The following XIRP2 variants were observed in gnomAD, a reference collection of about 807,000 sequenced individuals.
XIRP2 encodes xin actin binding repeat containing 2, also known as xin actin-binding repeat-containing protein 2.
XIRP2 carries 236 observed loss-of-function variants against 277.0 expected under a neutral mutation model. The ratio of observed to expected loss-of-function variants is 0.85; its 90% CI spans 0.77 to 0.95. The LOEUF is 0.95. Among genes scored for constraint, XIRP2 ranks in the 40% least tolerant of loss-of-function variants. XIRP2 has a pLI of 0.00. For missense variants in XIRP2, 4,640 were observed against 4,157.5 expected (o/e 1.12, Z -3.19); for synonymous variants, 1,490 against 1,416.5 (o/e 1.05, Z -1.17).
At position 167,250,811 on chromosome 2, in the gene XIRP2, A is replaced by G. The variant is rs944918278; in HGVS notation, c.9419A>G (p.Glu3140Gly). The G allele has an allele frequency of 1.9e-6, 3 of 1,613,322 alleles. No homozygotes were observed. In the African/African-American group the frequency reaches 4.0e-5, roughly 22 times the overall value. ...CGAACAGAAAACCCTACTAAGAACG[A>G]GCTTTCTCAGTCCCCTAAAAAGGAC... Reference protein sequence around the residue: ...ARRTENPTKNELSQSPKKDSY... With the variant: ...ARRTENPTKNGLSQSPKKDSY... The change falls in exon 9 of 11, where the codon GAG (glutamate) becomes GGG (glycine). Residue 3140 changes from glutamate to glycine, a missense_variant. By Grantham distance (98) the Glu-to-Gly change is moderately conservative. Coordinates refer to ENST00000409195, the MANE Select transcript of XIRP2 (RefSeq NM_152381.6).
intron 2 of XIRP2, among the ~76,000 whole-genome samples, chr2:166,985,808 GA>G (rs553699889): frequency 6.7e-6 from 1 of 150,092 alleles, no homozygotes; most frequent in Non-Finnish European, 1.5e-5. Context: ...ACCCAGCTCT[GA>G]AAAAAAAACC....
chr2:167,207,309 T>A (rs999633764), intron 3 of XIRP2, among the ~76,000 whole-genome samples: 1 of 152,172 alleles, frequency 6.6e-6, no homozygotes, highest in African/African-American at 2.4e-5. Flanking sequence ...TGCATATCCA[T>A]AAGAATTCTT....
intron 5 of XIRP2, among the ~76,000 whole-genome samples, chr2:167,232,802 A>G (rs1228316894): frequency 6.6e-6 from 1 of 151,918 alleles, no homozygotes; most frequent in Non-Finnish European, 1.5e-5. Context: ...AACTTTTCCA[A>G]GAAAAGTGAG....
At chr2:166,916,007 G>A (rs1166690003) in intron 2 of XIRP2, among the ~76,000 whole-genome samples, 6 of 152,080 alleles carry the variant, frequency 3.9e-5, no homozygotes, top group Admixed American at 2.0e-4. Context: ...AAACCATGAA[G>A]AAAAATGCTA....
intron 2 of XIRP2, among the ~76,000 whole-genome samples, chr2:166,914,146 T>C (rs1433678317): frequency 1.3e-5 from 2 of 151,544 alleles, no homozygotes; most frequent in South Asian, 2.1e-4. Context: ...GTCGGAGGAG[T>C]TATGATGAAA....
Position 166,945,832 on chromosome 2 carries a change from C to T in XIRP2, c.408+41942C>T, listed in dbSNP as rs186855944. Among the ~76,000 whole-genome samples the T allele has an allele frequency of 9.0e-4, 137 of 151,968 alleles. 1 individual carries two copies. The highest frequency in any genetic ancestry group is 3.0e-3 in the African/African-American group (126 of 41,488). On this transcript the variant is annotated intron_variant, in intron 2 of 10. Transcript: ENST00000409195. ...GATTACAGGCATGTGCCACCACACC[C>T]GGCTAATTTTGTTTGTTTGTTTGTT...
chr2:167,109,584 C>T (rs1409144304), intron 2 of XIRP2, among the ~76,000 whole-genome samples: 1 of 152,158 alleles, frequency 6.6e-6, no homozygotes, highest in Non-Finnish European at 1.5e-5. Flanking sequence ...CCCTGGCCAA[C>T]CACATTTTCT....
intron 3 of XIRP2, among the ~76,000 whole-genome samples, chr2:167,203,225 T>C (rs978861253): frequency 5.3e-5 from 8 of 152,240 alleles, no homozygotes; most frequent in African/African-American, 1.9e-4. Context: ...TTCTGTCTAC[T>C]ACAATGCTAA....
In XIRP2 at chr2:167,233,609, G is replaced by A. The variant is rs1694818812; in HGVS notation, c.859-6246G>A. Among the ~76,000 whole-genome samples, 3 of 151,728 alleles carry A rather than the reference G, an allele frequency of 2.0e-5. No individual in the cohort carries two copies. The Admixed American group carries it at 2.0e-4, about 10-fold the overall frequency. ...ATCAGTTGGATATTGGTGAGGAAGGGATGGTAATCAAGAGGTAGAGTTCTG... is the reference window on the plus strand; with the variant it reads ...ATCAGTTGGATATTGGTGAGGAAGGAATGGTAATCAAGAGGTAGAGTTCTG... On this transcript the variant is annotated intron_variant, in intron 5 of 10. Transcript: ENST00000409195.
At chr2:167,231,835 AAGTATTTCAGAAGCAACATCCAGTACAC>A (rs1694767912) in intron 5 of XIRP2, among the ~76,000 whole-genome samples, 2 of 152,000 alleles carry the variant, frequency 1.3e-5, no homozygotes, top group Admixed American at 1.3e-4. Flanking sequence ...AGAAATTTAT[AAGTATTTCAGAAGCAACATCCAGTACAC>A]ACTATTGATA....
intron 2 of XIRP2, among the ~76,000 whole-genome samples, chr2:167,096,582 T>C (rs1415004562): frequency 6.6e-6 from 1 of 152,214 alleles, no homozygotes; most frequent in Non-Finnish European, 1.5e-5. Flanking sequence ...ATTTCTTGTC[T>C]TCTGCTAGCT....
chr2:167,061,515 G>A (rs1232279779), intron 2 of XIRP2, among the ~76,000 whole-genome samples: 3 of 152,074 alleles, frequency 2.0e-5, no homozygotes, highest in Non-Finnish European at 4.4e-5. Context: ...TAATGTTGTA[G>A]ATTGAATTGT....
intron 3 of XIRP2, among the ~76,000 whole-genome samples, chr2:167,169,274 T>G (rs528214365): frequency 6.7e-6 from 1 of 150,324 alleles, no homozygotes; most frequent in Non-Finnish European, 1.5e-5. Flanking sequence ...TTTTAATTTA[T>G]TTGTTGTGAA....
intron 2 of XIRP2, among the ~76,000 whole-genome samples, chr2:166,978,033 T>G (rs1169175260): frequency 1.3e-5 from 2 of 152,202 alleles, no homozygotes; most frequent in African/African-American, 2.4e-5. Flanking sequence ...TGTGTATGTT[T>G]GCATGTGTGT....
At chr2:167,145,148 T>A (rs1328836668) in intron 3 of XIRP2, among the ~76,000 whole-genome samples, 2 of 152,172 alleles carry the variant, frequency 1.3e-5, no homozygotes, top group African/African-American at 4.8e-5. Flanking sequence ...AAATAATGAA[T>A]AACACCATAT....
chr2:167,081,146 A>G (rs1026042971), intron 2 of XIRP2, among the ~76,000 whole-genome samples: 2 of 152,158 alleles, frequency 1.3e-5, no homozygotes, highest in African/African-American at 4.8e-5. Context: ...GAAACCAGAG[A>G]TCTTCATTCC....
intron 10 of XIRP2, among the ~76,000 whole-genome samples, chr2:167,256,580 T>A (rs955208352): frequency 6.6e-6 from 1 of 151,908 alleles, no homozygotes; most frequent in African/African-American, 2.4e-5. Context: ...TTTTAGGGCA[T>A]GTTTTTCTGG....
chr2:166,997,615 T>G (rs983099965), intron 2 of XIRP2, among the ~76,000 whole-genome samples: 1 of 152,128 alleles, frequency 6.6e-6, no homozygotes, highest in African/African-American at 2.4e-5. Context: ...GAAGTTCAGT[T>G]GACTTGGGGG....
chr2:166,965,900 C>CT (rs199957548), intron 2 of XIRP2, among the ~76,000 whole-genome samples: 30 of 148,412 alleles, frequency 2.0e-4, no homozygotes, highest in African/African-American at 3.7e-4. Context: ...AGTTTGATTT[C>CT]TTTTTTTTTT....
Sources: allele counts gnomAD v4.1 joint callset (sites outside exome capture counted in the v4.1 genomes callset), GRCh38; gene constraint gnomAD v4.1.1; transcripts MANE v1.5; gene names NCBI Gene and HGNC (gene_info 2026-07-23, HGNC 2026-07-21).